The following FAT3 variants were observed in gnomAD, a reference collection of about 807,000 sequenced individuals.
FAT3 encodes protocadherin Fat 3.
Under a neutral mutation model 310.2 loss-of-function variants are expected in FAT3, and 95 were observed. The ratio of observed to expected loss-of-function variants is 0.31; its 90% CI spans 0.26 to 0.36. FAT3 has a LOEUF of 0.36. Among genes scored for constraint, FAT3 ranks in the 10% least tolerant of loss-of-function variants. FAT3 has a pLI of 1.00. For missense variants in FAT3, 5,408 were observed against 5,715.6 expected, an observed-to-expected ratio of 0.95 and a Z score of 1.74; for synonymous variants, 2,314 against 2,192.9, an observed-to-expected ratio of 1.06 and a Z score of -1.54.
At chr11:92,795,400 T>C (rs1398286211) in intron 9 of FAT3, among the ~76,000 whole-genome samples, 3 of 151,938 alleles carry the variant, frequency 2.0e-5, no homozygotes, top group African/African-American at 7.3e-5. Flanking sequence ...GCCAAAAATC[T>C]ACAAGAGGCC....
chr11:92,703,059 T>C (rs2852397), intron 4 of FAT3, among the ~76,000 whole-genome samples: 29,826 of 152,178 alleles, frequency 0.2, 3,116 homozygotes, highest in African/African-American at 0.27. Flanking sequence ...TTAGTATCTG[T>C]CTTTTTTAAC....
intron 13 of FAT3, among the ~76,000 whole-genome samples, chr11:92,826,900 A>G (rs1382619180): frequency 6.6e-6 from 1 of 152,182 alleles, no homozygotes; most frequent in Non-Finnish European, 1.5e-5. Flanking sequence ...ACCAGGCAGA[A>G]CATAGCTCTT....
At chr11:92,600,149 T>G (rs1396612490) in intron 3 of FAT3, among the ~76,000 whole-genome samples, 2 of 152,226 alleles carry the variant, frequency 1.3e-5, no homozygotes, top group African/African-American at 4.8e-5. Flanking sequence ...TTATTCTTAG[T>G]TATCACTTAC....
At chr11:92,684,120 C>T (rs35435451) in intron 3 of FAT3, among the ~76,000 whole-genome samples, 42 of 152,264 alleles carry the variant, frequency 2.8e-4, no homozygotes, top group Admixed American at 1.4e-3. Flanking sequence ...TCAGAAGATA[C>T]TGAATTTTTC....
chr11:92,527,108 GGT>G (rs1184218309), intron 3 of FAT3, among the ~76,000 whole-genome samples: 5 of 152,152 alleles, frequency 3.3e-5, no homozygotes, highest in Non-Finnish European at 5.9e-5. Flanking sequence ...TGGGAGTGAT[GGT>G]CAGGGAGGGC....
intron 3 of FAT3, among the ~76,000 whole-genome samples, chr11:92,630,973 T>C (rs1244681473): frequency 6.6e-6 from 1 of 152,188 alleles, no homozygotes; most frequent in Non-Finnish European, 1.5e-5. Context: ...AAATACAACA[T>C]ATAAAGCAGT....
Position 92,805,282 on chromosome 11 carries a change from T to C in FAT3, c.9026T>C (p.Phe3009Ser). The change falls in exon 11 of 28, where the codon TTT becomes TCT. Residue 3009 changes from phenylalanine (F) to serine (S), a missense_variant. Physicochemically the swap from Phe to Ser is radical, Grantham distance 155. This residue lies in a region of FAT3 where 4,588 missense variants were observed against 4,809.8 expected (regional missense o/e 0.95). Coordinates refer to ENST00000525166, the MANE Select transcript of FAT3 (RefSeq NM_001367949.2). ...AATATCACTGCCACTGATGGGCTTT[T>C]TGTCACACAGGCCATGGTGGAAGTG... Reference protein sequence around the residue: ...FLNITATDGLFVTQAMVEVSV... With the variant: ...FLNITATDGLSVTQAMVEVSV... The C allele has an allele frequency of 6.2e-7, 1 of 1,613,868 alleles. No homozygotes were observed.
chr11:92,750,641 T>G (rs1945804876), intron 4 of FAT3, among the ~76,000 whole-genome samples: 1 of 151,116 alleles, frequency 6.6e-6, no homozygotes, highest in Non-Finnish European at 1.5e-5. Context: ...CTGTTCTCTC[T>G]CTCTCTCTCT....
intron 3 of FAT3, among the ~76,000 whole-genome samples, chr11:92,581,655 G>A (rs1371457911): frequency 2.0e-5 from 3 of 150,072 alleles, no homozygotes; most frequent in African/African-American, 7.5e-5. Flanking sequence ...GGTCTGCCAA[G>A]GGGGGGGATT....
At chr11:92,358,426 G>T (rs1186218083) in intron 2 of FAT3, among the ~76,000 whole-genome samples, 2 of 151,878 alleles carry the variant, frequency 1.3e-5, no homozygotes, top group Non-Finnish European at 2.9e-5. Context: ...TGTTTCTGAT[G>T]TTTTTTCATA....
At chr11:92,345,356 A>G (rs1948385778) in intron 1 of FAT3, among the ~76,000 whole-genome samples, 1 of 152,218 alleles carries the variant, frequency 6.6e-6, no homozygotes. Context: ...GATACACATA[A>G]GTAACTAATC....
At chr11:92,405,404 C>T (rs1441853960) in intron 2 of FAT3, among the ~76,000 whole-genome samples, 2 of 152,052 alleles carry the variant, frequency 1.3e-5, no homozygotes, top group Non-Finnish European at 2.9e-5. Flanking sequence ...TCAGCAAGAA[C>T]TTGCTGTAAT....
chr11:92,484,648 A>G (rs1952323009), intron 2 of FAT3, among the ~76,000 whole-genome samples: 1 of 152,248 alleles, frequency 6.6e-6, no homozygotes, highest in South Asian at 2.1e-4. Context: ...TACTGAAAAA[A>G]ATCAAATCAT....
chr11:92,818,131 A>G (rs993982013), intron 13 of FAT3, among the ~76,000 whole-genome samples: 7 of 152,130 alleles, frequency 4.6e-5, no homozygotes, highest in Non-Finnish European at 8.8e-5. Flanking sequence ...CAAAGTTCCA[A>G]CTCTCTGTGA....
intron 3 of FAT3, among the ~76,000 whole-genome samples, chr11:92,681,454 A>G (rs890899135): frequency 2.6e-5 from 4 of 152,234 alleles, no homozygotes; most frequent in African/African-American, 9.6e-5. Context: ...TATGGCAGAA[A>G]TGAGCTTTAT....
intron 2 of FAT3, among the ~76,000 whole-genome samples, chr11:92,385,866 G>A (rs1298778649): frequency 6.6e-6 from 1 of 152,086 alleles, no homozygotes; most frequent in Non-Finnish European, 1.5e-5. Context: ...AATAAAATTG[G>A]TCAGGTGCAG....
At chr11:92,364,482 T>C (rs1287740289) in intron 2 of FAT3, among the ~76,000 whole-genome samples, 1 of 152,256 alleles carries the variant, frequency 6.6e-6, no homozygotes, top group East Asian at 1.9e-4. Context: ...GCTAGTGTTT[T>C]GTACGCGCAT....
At chr11:92,362,986 A>G (rs999206970) in intron 2 of FAT3, among the ~76,000 whole-genome samples, 2 of 152,144 alleles carry the variant, frequency 1.3e-5, no homozygotes, top group Non-Finnish European at 2.9e-5. Flanking sequence ...CATCTTTTCT[A>G]CCATAAAAGA....
At chr11:92,468,926 A>C (rs1232274144) in intron 2 of FAT3, among the ~76,000 whole-genome samples, 1 of 152,140 alleles carries the variant, frequency 6.6e-6, no homozygotes, top group African/African-American at 2.4e-5. Flanking sequence ...AATCTCTATA[A>C]ATTATTATGA....
Sources: gnomAD v4.1 joint callset for allele counts (sites outside exome capture counted in the v4.1 genomes callset) on GRCh38, gnomAD v4.1.1 for gene constraint, gnomAD v4.1.1 regional missense constraint, MANE v1.5 for transcripts, NCBI Gene and HGNC (gene_info 2026-07-23, HGNC 2026-07-21) for gene names.